The following FRMPD4 variants were observed in gnomAD, a reference collection of about 807,000 sequenced individuals.
FRMPD4 encodes the protein FERM and PDZ domain containing 4.
In FRMPD4, 22 loss-of-function variants were observed where a neutral mutation model predicts 94.1. The observed-to-expected ratio is 0.23, with a 90% CI of 0.17 to 0.33. FRMPD4 has a LOEUF of 0.33. Among genes scored for constraint, FRMPD4 ranks in the 10% least tolerant of loss-of-function variants. The probability of loss-of-function intolerance (pLI) is 1.00; values close to 1 mark genes in which losing one functional copy is unlikely to be tolerated. For synonymous variants in FRMPD4, 631 were observed against 548.6 expected (o/e 1.15, Z -2.10); for missense variants, 1,111 against 1,339.9 (o/e 0.83, Z 2.67).
intron 1 of FRMPD4, among the ~76,000 whole-genome samples, chrX:12,281,682 A>AT (rs933850986): frequency 1.8e-5 from 2 of 111,930 alleles, no homozygotes; most frequent in African/African-American, 3.3e-5. Flanking sequence ...GGCCTTAAAA[A>AT]ATATATATAT....
Position 12,076,327 on chromosome X carries a change from C to CGTGTGT in FRMPD4, c.95+198334_95+198339dup, listed in dbSNP as rs34558552. Among the ~76,000 whole-genome samples, 498 of 98,141 alleles carry CGTGTGT rather than the reference C, an allele frequency of 5.1e-3. 4 individuals are homozygous for CGTGTGT. Among genetic ancestry groups the CGTGTGT allele is most frequent in the African/African-American group, 0.015 (393 of 26,379 alleles). 85.2% of individuals were successfully genotyped at this position (98,141 alleles called of 115,157 possible). On this transcript the variant is annotated intron_variant, in intron 3 of 18. Coordinates refer to the FRMPD4 transcript ENST00000640291. The stretch of plus-strand genomic sequence containing the variant: ...AACTGCAGCTTAAACCCTAGCAAAA[C>CGTGTGT]GTGTGTGTGTGTGTGTGTGTGTGTG...
At chrX:12,582,621 C>T (rs941463319) in intron 2 of FRMPD4, among the ~76,000 whole-genome samples, 1 of 112,166 alleles carries the variant, frequency 8.9e-6, no homozygotes, top group Admixed American at 9.4e-5. Flanking sequence ...CAGGAAAGCA[C>T]TATGGACAGT....
chrX:12,382,717 T>A (rs2056342936), intron 1 of FRMPD4, among the ~76,000 whole-genome samples: 1 of 111,568 alleles, frequency 9.0e-6, no homozygotes, highest in African/African-American at 3.3e-5. Flanking sequence ...TCCCCAATTT[T>A]AAAATTGTGC....
chrX:12,422,746 C>T (rs1325466305), intron 1 of FRMPD4, among the ~76,000 whole-genome samples: 2 of 112,101 alleles, frequency 1.8e-5, no homozygotes, highest in Non-Finnish European at 3.8e-5. Context: ...TAGTCAATTC[C>T]ACTCTGAAAG....
chrX:12,510,444 A>C (rs1420393791), intron 2 of FRMPD4, among the ~76,000 whole-genome samples: 1 of 112,211 alleles, frequency 8.9e-6, no homozygotes, highest in Non-Finnish European at 1.9e-5. Flanking sequence ...TTTTTCTGCA[A>C]ATCTAAAAGT....
chrX:12,302,065 A>G (rs1334800736), intron 1 of FRMPD4, among the ~76,000 whole-genome samples: 1 of 112,222 alleles, frequency 8.9e-6, no homozygotes, highest in Non-Finnish European at 1.9e-5. Context: ...GAAACAGCCC[A>G]AGATAGCCCA....
chrX:12,184,526 C>G (rs1384319640), intron 1 of FRMPD4, among the ~76,000 whole-genome samples: 1 of 112,076 alleles, frequency 8.9e-6, no homozygotes, highest in African/African-American at 3.2e-5. Flanking sequence ...GCATTCTTTT[C>G]CACATGAGCC....
intron 1 of FRMPD4, among the ~76,000 whole-genome samples, chrX:12,418,998 T>G (rs767130366): frequency 4.5e-5 from 5 of 112,139 alleles, no homozygotes; most frequent in South Asian, 7.5e-4. Flanking sequence ...GTTATGTTTA[T>G]CCAAGGAGAC....
chrX:12,168,784 C>G (rs1048928884), intron 1 of FRMPD4, among the ~76,000 whole-genome samples: 1 of 109,413 alleles, frequency 9.1e-6, no homozygotes, highest in African/African-American at 3.3e-5. Flanking sequence ...CACCACCACG[C>G]CTGGCTAATT....
At chrX:11,952,293 C>T (rs191866931) in intron 3 of FRMPD4, among the ~76,000 whole-genome samples, 21 of 112,178 alleles carry the variant, frequency 1.9e-4, no homozygotes, top group African/African-American at 6.8e-4. Context: ...CAGGCTCCTT[C>T]CCAGGCAGGC....
At chrX:12,345,030 A>G (rs1216063960) in intron 1 of FRMPD4, among the ~76,000 whole-genome samples, 1 of 112,383 alleles carries the variant, frequency 8.9e-6, no homozygotes, top group East Asian at 2.8e-4. Context: ...CATCCCAATC[A>G]GGCATTCAGT....
intron 1 of FRMPD4, among the ~76,000 whole-genome samples, chrX:12,290,134 T>C (rs188741763): frequency 0.012 from 1,342 of 111,101 alleles, 20 homozygotes; most frequent in African/African-American, 0.041. Flanking sequence ...CAGCACTTCC[T>C]CCCCCAGGGA....
intron 1 of FRMPD4, among the ~76,000 whole-genome samples, chrX:12,176,898 G>A (rs868059249): frequency 7.2e-5 from 8 of 111,394 alleles, no homozygotes; most frequent in African/African-American, 1.6e-4. Context: ...TCAGATCCTC[G>A]GGGAGAAAAA....
At chrX:12,635,582 G>C (rs946024981) in intron 4 of FRMPD4, among the ~76,000 whole-genome samples, 1 of 111,199 alleles carries the variant, frequency 9.0e-6, no homozygotes, top group Non-Finnish European at 1.9e-5. Context: ...CTGCTACCCC[G>C]GGGGGTGGAA....
chrX:11,975,401 T>C (rs919956218), intron 3 of FRMPD4, among the ~76,000 whole-genome samples: 2 of 112,304 alleles, frequency 1.8e-5, no homozygotes, highest in Non-Finnish European at 3.8e-5. Flanking sequence ...CAATTCTACC[T>C]TTCTTGGCAG....
chrX:12,531,712 T>C (rs1476663293), intron 2 of FRMPD4, among the ~76,000 whole-genome samples: 1 of 111,155 alleles, frequency 9.0e-6, no homozygotes, highest in Non-Finnish European at 1.9e-5. Context: ...CAAAATTTCA[T>C]TTACCTCCTA....
At chrX:11,921,359 G>T in intron 3 of FRMPD4, among the ~76,000 whole-genome samples, 1 of 111,235 alleles carries the variant, frequency 9.0e-6, no homozygotes, top group East Asian at 2.8e-4. Flanking sequence ...CTTCTTATAA[G>T]GACACCAGTC....
chrX:12,149,431 A>T (rs1406197837), intron 1 of FRMPD4, among the ~76,000 whole-genome samples: 1 of 111,620 alleles, frequency 9.0e-6, no homozygotes, highest in East Asian at 2.8e-4. Flanking sequence ...CAACCCTCAT[A>T]GATGGCTTTG....
At chrX:12,136,022 TG>T (rs1403005999), upstream of FRMPD4, among the ~76,000 whole-genome samples, 5 of 110,929 alleles carry the variant, frequency 4.5e-5, no homozygotes, top group African/African-American at 6.6e-5. Flanking sequence ...AGAAGGCCTT[TG>T]TTGCCATCAT....
Sources: allele counts gnomAD v4.1 joint callset (sites outside exome capture counted in the v4.1 genomes callset), GRCh38; gene constraint gnomAD v4.1.1; transcripts MANE v1.5; gene names NCBI Gene and HGNC (gene_info 2026-07-23, HGNC 2026-07-21).